The following HTR3A variants were observed in gnomAD, a reference collection of about 807,000 sequenced individuals.
The protein encoded by HTR3A is 5-hydroxytryptamine receptor 3A.
In HTR3A, 45 loss-of-function variants were observed where a neutral mutation model predicts 54.8. The observed-to-expected ratio is 0.82, with a 90% confidence interval of 0.65 to 1.05. HTR3A has a LOEUF of 1.05. Ranked by LOEUF, HTR3A falls within the 50% of genes least tolerant of loss-of-function variation. The pLI, the probability that HTR3A is intolerant of heterozygous loss-of-function variation, is 0.00. For missense variants in HTR3A, 657 were observed against 614.0 expected, an observed-to-expected ratio of 1.07 and a Z score of -0.74; for synonymous variants, 297 against 256.0, an observed-to-expected ratio of 1.16 and a Z score of -1.53.
chr11:113,983,337 C>G, intron 5 of HTR3A, 48 bp downstream of exon 5: 9 of 1,606,648 alleles, frequency 5.6e-6, no homozygotes, highest in Non-Finnish European at 7.7e-6. Flanking sequence ...TGGGGGACCC[C>G]AGGGACACCT....
chr11:113,981,956 G>C (rs1350542163), intron 4 of HTR3A, among the ~76,000 whole-genome samples: 2 of 149,882 alleles, frequency 1.3e-5, no homozygotes, highest in African/African-American at 4.9e-5. Flanking sequence ...GCAAGACTCT[G>C]TCTCCAAAAA....
chr11:113,985,850 T>C (rs1212619688), intron 5 of HTR3A, among the ~76,000 whole-genome samples, 165 bp from the exon 6 acceptor site: 1 of 152,188 alleles, frequency 6.6e-6, no homozygotes, highest in East Asian at 1.9e-4. Context: ...GAGTACCTTA[T>C]TTTATAGCTG....
chr11:113,981,281 A>G lies in HTR3A; in HGVS notation c.343A>G (p.Ile115Val), dbSNP rs1950418823. Residue 115 changes from isoleucine to valine, a missense_variant, in exon 4 of 9, where the codon ATC (isoleucine) becomes GTC (valine). Transcript: ENST00000504030. ...ITKLSIPTDS[I>V]WVPDILINEF... ...CAAGTTGTCCATCCCCACGGACAGC[A>G]TCTGGGTCCCGGACATTCTCATCAA... 1.2e-6 allele frequency: 2 copies of G among 1,613,212 alleles called. No homozygotes were observed. Among genetic ancestry groups the G allele is most frequent in the African/African-American group, 2.7e-5 (2 of 74,920 alleles).
intron 3 of HTR3A, chr11:113,980,900 G>A: frequency 2.4e-6 from 1 of 418,358 alleles, no homozygotes; most frequent in South Asian, 2.3e-5. Context: ...CAAGATCCAA[G>A]AAGTTATTTG....
rs903900435 is a variant in HTR3A at position 113,989,134 on chromosome 11, C to G, written c.1139-331C>G. Among the ~76,000 whole-genome samples the G allele has an allele frequency of 6.6e-6, 1 of 150,684 alleles. No individual in the cohort carries two copies. Among genetic ancestry groups the G allele is most frequent in the Middle Eastern group, 3.4e-3 (1 of 290 alleles). ...CAGCACCACGGGAGGCCAAAGTAGGCGGATCACTTGAGGTCAAGAGTTCAA... is the reference window on the plus strand; with the variant it reads ...CAGCACCACGGGAGGCCAAAGTAGGGGGATCACTTGAGGTCAAGAGTTCAA... On this transcript the variant is annotated intron_variant, in intron 8 of 8. Transcript: ENST00000504030. This position sits in a 1 kb window ranked among gnomAD's most constrained non-coding sequence, Gnocchi z 4.4.
At chr11:113,983,366 A>G in intron 5 of HTR3A, 77 bp downstream of exon 5, 1 of 1,526,618 alleles carries the variant, frequency 6.6e-7, no homozygotes, top group Non-Finnish European at 9.0e-7. Context: ...AGTGCTCCCC[A>G]GGGCGCCTTC....
rs192338084 is a variant in HTR3A, at chr11:113,977,285, T to C, written c.68-486T>C. 1.2e-3 allele frequency among the ~76,000 whole-genome samples: 190 copies of C among 152,336 alleles called. 2 individuals carry two copies. The highest frequency in any genetic ancestry group is 4.0e-3 in the African/African-American group (165 of 41,576). ...TCATACTCAAAAAGGAGATGTTGTG[T>C]GCAGATGCTGAGGTTTGACCTTGGC... On this transcript the variant is annotated intron_variant, in intron 1 of 8. Transcript: ENST00000504030.
At position 113,983,171 on chromosome 11, in the gene HTR3A, A is replaced by T. The variant is rs944749336; in HGVS notation, c.426A>T (p.Gln142His). The part of the protein sequence containing the change: ...PNIPYVYIRH[Q>H]GEVQNYKPLQ... ...TCCCGTACGTGTATATTCGGCATCAAGGCGAAGTTCAGAACTACAAGCCCC... is the reference window on the plus strand; with the variant it reads ...TCCCGTACGTGTATATTCGGCATCATGGCGAAGTTCAGAACTACAAGCCCC... Residue 142 changes from glutamine (Q) to histidine (H), a missense_variant, in exon 5 of 9, where the codon CAA becomes CAT. By Grantham distance (24) the Gln-to-His change is conservative. Transcript: ENST00000504030. The T allele has an allele frequency of 1.2e-6, 2 of 1,614,064 alleles. No homozygotes were observed. The highest frequency in any genetic ancestry group is 2.7e-5 in the African/African-American group (2 of 74,924).
chr11:113,982,936 C>T (rs35022165), intron 4 of HTR3A, among the ~76,000 whole-genome samples, 184 bp from the exon 5 acceptor site: 13 of 152,250 alleles, frequency 8.5e-5, no homozygotes, highest in African/African-American at 2.4e-4. Context: ...GCCTTGACAA[C>T]GGCAGGTCAG....
At position 113,989,103 on chromosome 11, in the gene HTR3A, T is replaced by C. The variant is rs1950523139; in HGVS notation, c.1139-362T>C. Among the ~76,000 whole-genome samples, 1 of 151,886 alleles carries C rather than the reference T, an allele frequency of 6.6e-6. No individual in the cohort carries two copies. The highest frequency in any genetic ancestry group is 6.6e-5 in the Admixed American group (1 of 15,244). On this transcript the variant is annotated intron_variant, in intron 8 of 8. Coordinates refer to ENST00000504030, the MANE Select transcript of HTR3A (RefSeq NM_000869.6). This position sits in a 1 kb window ranked among gnomAD's most constrained non-coding sequence, Gnocchi z 4.4. ...GGCCATCCACGGTGGCTCACACCTGTAATCCCAGCACCACGGGAGGCCAAA... is the reference window on the plus strand; with the variant it reads ...GGCCATCCACGGTGGCTCACACCTGCAATCCCAGCACCACGGGAGGCCAAA...
At chr11:113,984,084 A>G (rs1950458607) in intron 5 of HTR3A, among the ~76,000 whole-genome samples, 2 of 151,838 alleles carry the variant, frequency 1.3e-5, no homozygotes, top group South Asian at 4.2e-4. Flanking sequence ...CTCCTATGCT[A>G]CCTGGCCCTT....
chr11:113,979,883 A>C (rs1373210902), intron 3 of HTR3A, among the ~76,000 whole-genome samples: 2 of 152,166 alleles, frequency 1.3e-5, no homozygotes, highest in African/African-American at 4.8e-5. Flanking sequence ...GGAGAAACTA[A>C]AGTGGCTGAA....
Position 113,975,272 on chromosome 11 carries a change from TG to T in HTR3A, c.-52del. 1 of 1,591,426 alleles carries T rather than the reference TG, an allele frequency of 6.3e-7. No individual in the cohort carries two copies. The highest frequency in any genetic ancestry group is 8.6e-7 in the Non-Finnish European group (1 of 1,163,532). ...GGCAGAGGGCAGGCAAGCTGGCCCT[TG>T]GTGGGCCTCGTCCTGAGCACTCGGA... On this transcript the variant is annotated 5_prime_UTR_variant, in exon 1 of 9. An upstream open reading frame in the 5' UTR loses its in-frame stop. Coordinates refer to ENST00000504030, the MANE Select transcript of HTR3A (RefSeq NM_000869.6).
chr11:113,977,653 A>G, intron 1 of HTR3A, 118 bp from the exon 2 acceptor site: 1 of 1,514,718 alleles, frequency 6.6e-7, no homozygotes, highest in South Asian at 1.2e-5. Context: ...TGTGTTTAGA[A>G]TTTTGTGAGG....
chr11:113,989,927 C>A lies in HTR3A; in HGVS notation c.*164C>A. 1 of 844,584 alleles carries A rather than the reference C, an allele frequency of 1.2e-6. No individual in the cohort carries two copies. The highest frequency in any genetic ancestry group is 1.9e-6 in the Non-Finnish European group (1 of 515,840). 52.3% of individuals were successfully genotyped at this position (844,584 alleles called of 1,614,324 possible). On this transcript the variant is annotated 3_prime_UTR_variant, in exon 9 of 9. Coordinates refer to ENST00000504030, the MANE Select transcript of HTR3A (RefSeq NM_000869.6). The surrounding 1 kb of genome is among the most constrained non-coding windows in gnomAD (Gnocchi z 4.4). ...GCCAATTCATCTCAGCAATCACAAG[C>A]CAAGGTCTGAACCCTTCCACCAAAA...
chr11:113,984,583 T>C (rs1950466107), intron 5 of HTR3A, among the ~76,000 whole-genome samples: 1 of 152,174 alleles, frequency 6.6e-6, no homozygotes, highest in Non-Finnish European at 1.5e-5. Context: ...AGCTAAGGGC[T>C]TGCCAGAGGG....
At chr11:113,984,690 A>G (rs1398012715) in intron 5 of HTR3A, among the ~76,000 whole-genome samples, 1 of 152,158 alleles carries the variant, frequency 6.6e-6, no homozygotes, top group Non-Finnish European at 1.5e-5. Context: ...AGGCGTAGGC[A>G]GGTGGATCAC....
rs1330890450 is a variant in HTR3A at position 113,986,610 on chromosome 11, GC to G, written c.804del (p.Asn269ThrfsTer20). 2.5e-6 allele frequency: 4 copies of G among 1,613,638 alleles called. No individual in the cohort carries two copies. In the South Asian group the frequency reaches 3.3e-5, roughly 13 times the overall value. ...MVMDIVGFYL[P>X]PNSGERVSFK... ...TCATGGACATCGTGGGCTTCTACCT[GC>G]CCCCCAACAGTGGCGAGAGGGTCTC... is the stretch of plus-strand genomic sequence containing the variant. On this transcript the variant is annotated frameshift_variant, in exon 7 of 9. Coordinates refer to ENST00000504030, the MANE Select transcript of HTR3A (RefSeq NM_000869.6). LOFTEE classifies it high-confidence loss of function.
intron 1 of HTR3A, 197 bp from the exon 2 acceptor site, chr11:113,977,574 A>T: frequency 6.5e-7 from 1 of 1,539,294 alleles, no homozygotes; most frequent in Non-Finnish European, 8.8e-7. Flanking sequence ...TCCTTTCTAC[A>T]AGGTAATACA....
Sources: gnomAD v4.1 joint callset for allele counts (sites outside exome capture counted in the v4.1 genomes callset) on GRCh38, gnomAD v4.1.1 for gene constraint, Gnocchi (gnomAD v3.1) non-coding constraint, MANE v1.5 for transcripts, NCBI Gene and HGNC (gene_info 2026-07-23, HGNC 2026-07-21) for gene names.